Variants in LRRC7 observed in about 807,000 individuals in gnomAD.
The protein encoded by LRRC7 is leucine rich repeat containing 7, also known as leucine-rich repeat-containing protein 7.
LRRC7 carries 23 observed loss-of-function variants against 175.7 expected under a neutral mutation model. The ratio of observed to expected loss-of-function variants is 0.13; its 90% CI spans 0.09 to 0.19. The LOEUF (loss-of-function observed/expected upper bound fraction) is 0.19. Ranked by LOEUF, LRRC7 falls within the 10% of genes least tolerant of loss-of-function variation. LRRC7 has a pLI of 1.00. For missense variants in LRRC7, 1,354 were observed against 1,904.7 expected, an observed-to-expected ratio of 0.71 and a Z score of 5.38; for synonymous variants, 685 against 680.9, an observed-to-expected ratio of 1.01 and a Z score of -0.09.
intron 18 of LRRC7, among the ~76,000 whole-genome samples, chr1:70,033,390 G>T (rs979821948): frequency 6.6e-6 from 1 of 152,088 alleles, no homozygotes. Context: ...TAGTAGCACC[G>T]CAGCAGATGT....
At chr1:69,883,755 G>T (rs1216608556) in intron 7 of LRRC7, among the ~76,000 whole-genome samples, 1 of 89,614 alleles carries the variant, frequency 1.1e-5, no homozygotes. Flanking sequence ...TAGGTCTAAC[G>T]TTTAAGTCTT....
intron 2 of LRRC7, among the ~76,000 whole-genome samples, chr1:69,753,041 T>C (rs1435001258): frequency 1.1e-4 from 17 of 152,136 alleles, no homozygotes; most frequent in Non-Finnish European, 1.3e-4. Flanking sequence ...TAATGTATAC[T>C]GGACGGTGGC....
intron 3 of LRRC7, among the ~76,000 whole-genome samples, chr1:69,789,155 G>T (rs12042688): frequency 0.14 from 20,554 of 152,026 alleles, 2,076 homozygotes; most frequent in East Asian, 0.5. Flanking sequence ...TTACTTTGGT[G>T]TCAGTAATTT....
chr1:69,906,060 T>C (rs968083562), intron 7 of LRRC7, among the ~76,000 whole-genome samples: 2 of 152,242 alleles, frequency 1.3e-5, no homozygotes, highest in Non-Finnish European at 2.9e-5. Flanking sequence ...TGTCTTCTTT[T>C]CAGAAGTGTC....
chr1:70,097,682 A>G (rs1223433908), intron 25 of LRRC7, among the ~76,000 whole-genome samples: 5 of 148,028 alleles, frequency 3.4e-5, no homozygotes, highest in African/African-American at 1.0e-4. Flanking sequence ...TCATTGTTCA[A>G]TTCCCACCTA....
intron 7 of LRRC7, among the ~76,000 whole-genome samples, chr1:69,903,035 A>G (rs1646183018): frequency 6.6e-6 from 1 of 152,206 alleles, no homozygotes; most frequent in Non-Finnish European, 1.5e-5. Flanking sequence ...GCAACTTCCA[A>G]ATGCCAATTG....
intron 11 of LRRC7, among the ~76,000 whole-genome samples, chr1:69,996,148 T>C (rs1187744054): frequency 1.3e-5 from 2 of 151,718 alleles, no homozygotes; most frequent in East Asian, 1.9e-4. Flanking sequence ...ATTTCTCTGA[T>C]GGCCAGTGAT....
intron 7 of LRRC7, among the ~76,000 whole-genome samples, chr1:69,903,834 C>T (rs774635784): frequency 3.9e-5 from 6 of 152,094 alleles, no homozygotes; most frequent in Non-Finnish European, 7.4e-5. Context: ...CACCACTGAT[C>T]CCACAGAAAT....
rs187730533 is a variant in LRRC7, at chr1:69,857,187, C to T, written c.647+18904C>T. ...GAATGGGCAAAAACTGGAAGCATTCCCTTTGAAAACTGGCACAAGACAGGG... is the reference window on the plus strand; with the variant it reads ...GAATGGGCAAAAACTGGAAGCATTCTCTTTGAAAACTGGCACAAGACAGGG... On this transcript the variant is annotated intron_variant, in intron 7 of 26. Transcript: ENST00000651989. Among the ~76,000 whole-genome samples, 8 of 152,200 alleles carry T rather than the reference C, an allele frequency of 5.3e-5. No homozygotes were observed. In the East Asian group the frequency reaches 1.5e-3, roughly 29 times the overall value.
intron 1 of LRRC7, among the ~76,000 whole-genome samples, chr1:69,583,949 A>G (rs1423110215): frequency 6.6e-6 from 1 of 152,168 alleles, no homozygotes; most frequent in Non-Finnish European, 1.5e-5. Context: ...CTCTTAATGA[A>G]TATCTTCTGT....
chr1:69,858,391 C>T (rs994986366), intron 7 of LRRC7, among the ~76,000 whole-genome samples: 10 of 152,152 alleles, frequency 6.6e-5, no homozygotes, highest in East Asian at 5.8e-4. Context: ...CCAGAATCTA[C>T]GAAGAACTCA....
chr1:70,050,282 C>T (rs146192174), intron 22 of LRRC7, among the ~76,000 whole-genome samples: 4 of 152,136 alleles, frequency 2.6e-5, no homozygotes, highest in South Asian at 4.1e-4. Flanking sequence ...GTCAAAATTA[C>T]GAATGTTAAA....
At chr1:69,896,069 A>G (rs1645970410) in intron 7 of LRRC7, among the ~76,000 whole-genome samples, 1 of 152,190 alleles carries the variant, frequency 6.6e-6, no homozygotes, top group African/African-American at 2.4e-5. Context: ...AATAGTGGTT[A>G]TCTTTTGGGA....
chr1:69,810,017 A>G (rs932454047), intron 4 of LRRC7, among the ~76,000 whole-genome samples: 7 of 152,216 alleles, frequency 4.6e-5, no homozygotes, highest in Non-Finnish European at 1.0e-4. Context: ...GTATATTTAA[A>G]AAACCCCATC....
chr1:69,717,514 C>G (rs1175873171), intron 2 of LRRC7, among the ~76,000 whole-genome samples: 3 of 151,370 alleles, frequency 2.0e-5, no homozygotes, highest in Non-Finnish European at 4.4e-5. Flanking sequence ...AATTATTAGT[C>G]CTTAGTGTAT....
At chr1:69,961,282 G>A (rs1273134428) in intron 8 of LRRC7, among the ~76,000 whole-genome samples, 1 of 152,164 alleles carries the variant, frequency 6.6e-6, no homozygotes, top group Admixed American at 6.6e-5. Context: ...CAAGGGAAGT[G>A]AATGATCTCT....
chr1:69,673,669 G>A (rs1272807394), intron 1 of LRRC7, among the ~76,000 whole-genome samples: 1 of 152,160 alleles, frequency 6.6e-6, no homozygotes, highest in African/African-American at 2.4e-5. Context: ...GCAAGTTTCA[G>A]TTATATAATA....
chr1:70,011,751 GCTAT>G, intron 11 of LRRC7, 42 bp from the exon 12 acceptor site: 1 of 1,361,648 alleles, frequency 7.3e-7, no homozygotes, highest in Non-Finnish European at 1.0e-6. Flanking sequence ...AAAACATTTT[GCTAT>G]CTAACTTTTA....
chr1:69,749,636 T>A (rs1241420476), intron 2 of LRRC7, among the ~76,000 whole-genome samples: 2 of 152,186 alleles, frequency 1.3e-5, no homozygotes, highest in Non-Finnish European at 2.9e-5. Context: ...ACAAAAATCA[T>A]TCAACATTAT....
Sources: gnomAD v4.1 joint callset for allele counts (sites outside exome capture counted in the v4.1 genomes callset) on GRCh38, gnomAD v4.1.1 for gene constraint, MANE v1.5 for transcripts, NCBI Gene and HGNC (gene_info 2026-07-23, HGNC 2026-07-21) for gene names.